The following TAOK3 variants were observed in gnomAD, a reference collection of about 807,000 sequenced individuals.
The protein encoded by TAOK3 is serine/threonine-protein kinase TAO3.
Under a neutral mutation model 120.4 loss-of-function variants are expected in TAOK3, and 40 were observed. The ratio of observed to expected loss-of-function variants is 0.33; its 90% CI spans 0.26 to 0.43. The LOEUF is 0.43. TAOK3 is among the 20% of genes least tolerant of loss of function. TAOK3 has a pLI of 1.00. For missense variants in TAOK3, 821 were observed against 1,112.1 expected (o/e 0.74, Z 3.72); for synonymous variants, 355 against 387.5 (o/e 0.92, Z 0.99).
chr12:118,298,527 A>C (rs1422366459), intron 1 of TAOK3, among the ~76,000 whole-genome samples: 1 of 152,206 alleles, frequency 6.6e-6, no homozygotes, highest in East Asian at 1.9e-4. Context: ...CACCTGTCCT[A>C]ATGTTATGAG....
intron 14 of TAOK3, 139 bp downstream of exon 14, chr12:118,189,668 A>G: frequency 9.0e-7 from 1 of 1,106,436 alleles, no homozygotes; most frequent in Admixed American, 2.5e-5. Flanking sequence ...TAAAATGAAT[A>G]AAATTATTAG....
chr12:118,187,463 T>C (rs1484438388), intron 14 of TAOK3, among the ~76,000 whole-genome samples: 2 of 152,212 alleles, frequency 1.3e-5, no homozygotes, highest in Non-Finnish European at 2.9e-5. Flanking sequence ...ACACTACTGT[T>C]GGCATTAGGC....
chr12:118,296,532 A>G (rs2042687952), intron 1 of TAOK3, among the ~76,000 whole-genome samples: 1 of 152,176 alleles, frequency 6.6e-6, no homozygotes, highest in Admixed American at 6.5e-5. Flanking sequence ...GACGGGGGAG[A>G]CTGTCAGTCA....
At chr12:118,369,433 A>C (rs1389185157) in intron 1 of TAOK3, among the ~76,000 whole-genome samples, 3 of 152,182 alleles carry the variant, frequency 2.0e-5, no homozygotes, top group Non-Finnish European at 2.9e-5. Flanking sequence ...TGTGGTTGAA[A>C]TGACTGCTTT....
At chr12:118,245,225 G>A (rs2040437789) in intron 3 of TAOK3, among the ~76,000 whole-genome samples, 1 of 151,942 alleles carries the variant, frequency 6.6e-6, no homozygotes, top group Non-Finnish European at 1.5e-5. Context: ...TAGTAGAAAT[G>A]GGGTTCCACC....
intron 11 of TAOK3, among the ~76,000 whole-genome samples, chr12:118,208,822 C>T (rs944266051): frequency 1.3e-5 from 2 of 152,140 alleles, no homozygotes; most frequent in Admixed American, 1.3e-4. Context: ...AGTGATTCTC[C>T]TGCCTCAGCT....
At chr12:118,198,199 GCTCT>G (rs1420972871) in intron 13 of TAOK3, among the ~76,000 whole-genome samples, 1 of 151,852 alleles carries the variant, frequency 6.6e-6, no homozygotes, top group East Asian at 1.9e-4. Context: ...AACATACAAA[GCTCT>G]CTCTGTCTCA....
At chr12:118,283,537 C>T (rs1341739449) in intron 1 of TAOK3, 1 of 153,496 alleles carries the variant, frequency 6.5e-6, no homozygotes, top group African/African-American at 2.4e-5. Context: ...CGAGACCAAC[C>T]TGACCAACAT....
chr12:118,281,924 T>C (rs2042113559), intron 1 of TAOK3, among the ~76,000 whole-genome samples: 5 of 152,172 alleles, frequency 3.3e-5, no homozygotes, highest in Admixed American at 3.3e-4. Context: ...ATGTAACAAC[T>C]AATGTGATAT....
chr12:118,198,220 T>C (rs1565934916), intron 13 of TAOK3, among the ~76,000 whole-genome samples: 2 of 152,066 alleles, frequency 1.3e-5, no homozygotes, highest in African/African-American at 4.8e-5. Flanking sequence ...CTCAGTGCTC[T>C]TGTACTTGTT....
intron 1 of TAOK3, among the ~76,000 whole-genome samples, chr12:118,335,402 C>A (rs2044326621): frequency 6.6e-6 from 1 of 152,126 alleles, no homozygotes; most frequent in South Asian, 2.1e-4. Flanking sequence ...TTCTCAATTT[C>A]TCTAAAACCA....
chr12:118,202,773 C>CTTTTTT (rs58282262), intron 11 of TAOK3, among the ~76,000 whole-genome samples: 194 of 100,608 alleles, frequency 1.9e-3, no homozygotes, highest in East Asian at 4.2e-3. Flanking sequence ...ATAGTCTATT[C>CTTTTTT]TTTTTTTTTT....
At chr12:118,266,491 C>G (rs966506207) in intron 2 of TAOK3, among the ~76,000 whole-genome samples, 164 bp downstream of exon 2, 1 of 152,030 alleles carries the variant, frequency 6.6e-6, no homozygotes, top group Non-Finnish European at 1.5e-5. Flanking sequence ...CATGAGCCAC[C>G]GCACCCGGCC....
At chr12:118,295,261 A>C (rs56806127) in intron 1 of TAOK3, 1 of 152,000 alleles carries the variant, frequency 6.6e-6, no homozygotes, top group African/African-American at 2.4e-5. Flanking sequence ...GGATGGTCTC[A>C]ATCTCTTGAC....
intron 1 of TAOK3, among the ~76,000 whole-genome samples, chr12:118,285,433 A>G (rs1331429677): frequency 3.3e-5 from 5 of 150,982 alleles, no homozygotes; most frequent in African/African-American, 1.2e-4. Flanking sequence ...GCTCACTGCA[A>G]CCTCCACCTC....
intron 17 of TAOK3, among the ~76,000 whole-genome samples, chr12:118,169,333 T>G (rs1409633448): frequency 1.0e-5 from 1 of 100,164 alleles, no homozygotes; most frequent in Non-Finnish European, 1.9e-5. Flanking sequence ...CCCCTTTTTT[T>G]TTAAAGACAG....
At chr12:118,210,755 T>C (rs866197267) in intron 11 of TAOK3, among the ~76,000 whole-genome samples, 2 of 151,320 alleles carry the variant, frequency 1.3e-5, no homozygotes, top group Non-Finnish European at 3.0e-5. Context: ...TTTTTTTTTT[T>C]TGAGACCTAG....
Position 118,152,340 on chromosome 12 carries a change from G to A in TAOK3, c.2422C>T (p.Leu808=). The A allele has an allele frequency of 1.2e-6, 2 of 1,614,104 alleles. No individual in the cohort carries two copies. Among genetic ancestry groups the A allele is most frequent in the Non-Finnish European group, 1.7e-6 (2 of 1,180,016 alleles). The change falls in exon 20 of 21, where the codon CTG becomes TTG. Residue 808 remains leucine (L), a synonymous_variant. Transcript: ENST00000392533. Reference sequence around the variant, plus strand: ...ATTTTGCTCTGGTAGGCGTTGAGCAGCTCCATTTCCTGCTGGAGCTGTAGC... The same window carrying A: ...ATTTTGCTCTGGTAGGCGTTGAGCAACTCCATTTCCTGCTGGAGCTGTAGC... ...LRLQLQQEME[L]LNAYQSKIKM...
At chr12:118,224,791 G>C (rs941427565) in intron 9 of TAOK3, among the ~76,000 whole-genome samples, 1 of 151,978 alleles carries the variant, frequency 6.6e-6, no homozygotes, top group Admixed American at 6.6e-5. Flanking sequence ...TGCCATCCCA[G>C]CAATTCAACT....
Sources: allele counts gnomAD v4.1 joint callset (sites outside exome capture counted in the v4.1 genomes callset), GRCh38; gene constraint gnomAD v4.1.1; transcripts MANE v1.5; gene names NCBI Gene and HGNC (gene_info 2026-07-23, HGNC 2026-07-21).